The following FRMD4B variants were observed in gnomAD, a reference collection of about 807,000 sequenced individuals.
The protein encoded by FRMD4B is FERM domain-containing protein 4B.
In FRMD4B, 74 loss-of-function variants were observed where a neutral mutation model predicts 141.5. The observed-to-expected ratio is 0.52, with a 90% CI of 0.43 to 0.63. FRMD4B has a LOEUF of 0.63. Ranked by LOEUF, FRMD4B falls within the 30% of genes least tolerant of loss-of-function variation. The pLI, the probability that FRMD4B is intolerant of heterozygous loss-of-function variation, is 0.00. For missense variants in FRMD4B, 1,366 were observed against 1,253.4 expected (o/e 1.09, Z -1.36); for synonymous variants, 506 against 467.9 (o/e 1.08, Z -1.05).
intron 1 of FRMD4B, among the ~76,000 whole-genome samples, chr3:69,346,087 A>C (rs981639897): frequency 1.3e-4 from 20 of 152,104 alleles, no homozygotes; most frequent in African/African-American, 4.8e-4. Context: ...TCCCTGAAAA[A>C]AGATTAGACA....
intron 17 of FRMD4B, among the ~76,000 whole-genome samples, chr3:69,193,418 C>T (rs935997845): frequency 1.3e-5 from 2 of 152,112 alleles, no homozygotes; most frequent in African/African-American, 2.4e-5. Context: ...TGAGGCAGGA[C>T]AATCACTTGA....
intron 3 of FRMD4B, among the ~76,000 whole-genome samples, chr3:69,305,039 T>C (rs1701348069): frequency 6.6e-6 from 1 of 152,212 alleles, no homozygotes; most frequent in South Asian, 2.1e-4. Context: ...GCTGGAACTC[T>C]TTATACATTA....
intron 1 of FRMD4B, among the ~76,000 whole-genome samples, chr3:69,531,892 G>A (rs1325114957): frequency 6.6e-6 from 1 of 152,194 alleles, no homozygotes; most frequent in Non-Finnish European, 1.5e-5. Flanking sequence ...TTGACCTCTA[G>A]TAAACTGGAT....
rs1212175298 is a variant in FRMD4B, at chr3:69,241,668, T to A, written c.581+7558A>T. ...CCCAGCACTCTTGGGAAGCCGAGGC[T>A]GACAGATTTTCTGAGATTCAGGCGC... is the stretch of plus-strand genomic sequence containing the variant. On this transcript the variant is annotated intron_variant, in intron 7 of 22. Coordinates refer to ENST00000398540, the MANE Select transcript of FRMD4B (RefSeq NM_015123.3). Among the ~76,000 whole-genome samples, 3 of 152,214 alleles carry A rather than the reference T, an allele frequency of 2.0e-5. No individual in the cohort carries two copies. In the East Asian group the frequency reaches 5.8e-4, roughly 29 times the overall value.
intron 1 of FRMD4B, among the ~76,000 whole-genome samples, chr3:69,339,826 T>C (rs62254076): frequency 0.45 from 68,171 of 151,878 alleles, 16,543 homozygotes; most frequent in Non-Finnish European, 0.54. Flanking sequence ...CACCCCTCAG[T>C]GTCTTCATCT....
At chr3:69,251,542 T>C (rs1386222990) in intron 5 of FRMD4B, among the ~76,000 whole-genome samples, 1 of 152,248 alleles carries the variant, frequency 6.6e-6, no homozygotes, top group Non-Finnish European at 1.5e-5. Flanking sequence ...TGATAATTAT[T>C]CATGTTTCCC....
intron 1 of FRMD4B, among the ~76,000 whole-genome samples, chr3:69,436,274 G>A (rs564352632): frequency 5.4e-4 from 82 of 152,146 alleles, no homozygotes; most frequent in African/African-American, 1.9e-3. Context: ...GCACACTTTG[G>A]GAAATGCTGA....
intron 1 of FRMD4B, among the ~76,000 whole-genome samples, chr3:69,383,009 A>AT (rs1704153170): frequency 6.6e-6 from 1 of 152,188 alleles, no homozygotes; most frequent in African/African-American, 2.4e-5. Context: ...TAATAAAAAA[A>AT]ATCCTAACTC....
chr3:69,192,728 G>A (rs1270649061), intron 17 of FRMD4B, among the ~76,000 whole-genome samples: 1 of 152,078 alleles, frequency 6.6e-6, no homozygotes. Context: ...ATAAAATTGG[G>A]ATCATGTTGT....
chr3:69,533,738 C>G (rs1222142367), intron 1 of FRMD4B, among the ~76,000 whole-genome samples: 1 of 152,154 alleles, frequency 6.6e-6, no homozygotes, highest in Non-Finnish European at 1.5e-5. Context: ...TGCTGCAAAT[C>G]TTTCAGGCCC....
At chr3:69,180,436 T>C (rs2092693406) in intron 21 of FRMD4B, among the ~76,000 whole-genome samples, 1 of 152,108 alleles carries the variant, frequency 6.6e-6, no homozygotes, top group Non-Finnish European at 1.5e-5. Context: ...ATAATTCTAA[T>C]GTTTTCTGCT....
At chr3:69,255,536 C>G (rs1575662350) in intron 5 of FRMD4B, among the ~76,000 whole-genome samples, 1 of 151,876 alleles carries the variant, frequency 6.6e-6, no homozygotes, top group African/African-American at 2.4e-5. Context: ...CAAAGCAAGA[C>G]CCCATCTCTT....
intron 20 of FRMD4B, among the ~76,000 whole-genome samples, chr3:69,181,947 C>A (rs1213652556): frequency 1.3e-5 from 2 of 152,008 alleles, no homozygotes; most frequent in East Asian, 3.9e-4. Flanking sequence ...TTGCGCAAGC[C>A]AAATCCTTCC....
intron 3 of FRMD4B, chr3:69,310,471 A>G: frequency 2.2e-6 from 1 of 456,510 alleles, no homozygotes. Context: ...AAGTGGAAGG[A>G]TTCCTCTGAT....
chr3:69,275,763 T>C (rs554665429), intron 5 of FRMD4B, among the ~76,000 whole-genome samples: 2 of 152,158 alleles, frequency 1.3e-5, no homozygotes, highest in East Asian at 3.9e-4. Context: ...TTTGAAGAGG[T>C]AAATTTTAAT....
intron 2 of FRMD4B, among the ~76,000 whole-genome samples, chr3:69,416,342 G>A (rs62251446): frequency 0.26 from 39,090 of 152,024 alleles, 5,674 homozygotes; most frequent in East Asian, 0.44. Context: ...CTATTCACAG[G>A]CACCCACAAT....
At chr3:69,284,150 T>C (rs2107037758) in intron 5 of FRMD4B, among the ~76,000 whole-genome samples, 1 of 152,242 alleles carries the variant, frequency 6.6e-6, no homozygotes, top group African/African-American at 2.4e-5. Context: ...GTGAACTCCC[T>C]GAGCTAAGGA....
chr3:69,237,332 C>G (rs1204386644), intron 7 of FRMD4B, among the ~76,000 whole-genome samples: 3 of 152,160 alleles, frequency 2.0e-5, no homozygotes, highest in African/African-American at 7.2e-5. Flanking sequence ...ACCTTTAAAC[C>G]TTTCTTGATT....
chr3:69,470,856 A>C (rs1474894788), intron 1 of FRMD4B, among the ~76,000 whole-genome samples: 1 of 152,222 alleles, frequency 6.6e-6, no homozygotes, highest in Non-Finnish European at 1.5e-5. Flanking sequence ...TAATAAGAGA[A>C]TCAACATTTT....
Sources: allele counts gnomAD v4.1 joint callset (sites outside exome capture counted in the v4.1 genomes callset), GRCh38; gene constraint gnomAD v4.1.1; transcripts MANE v1.5; gene names NCBI Gene and HGNC (gene_info 2026-07-23, HGNC 2026-07-21).